Variants in DAPP1 observed in about 807,000 individuals in gnomAD.
DAPP1 encodes dual adaptor of phosphotyrosine and 3-phosphoinositides 1, also known as dual adapter for phosphotyrosine and 3-phosphotyrosine and 3-phosphoinositide.
In DAPP1, 20 loss-of-function variants were observed where a neutral mutation model predicts 41.5. The ratio of observed to expected loss-of-function variants is 0.48; its 90% CI spans 0.34 to 0.70. DAPP1 has a LOEUF of 0.70. Ranked by LOEUF, DAPP1 falls within the 30% of genes least tolerant of loss-of-function variation. The probability of loss-of-function intolerance (pLI) is 0.01; values close to 1 mark genes in which losing one functional copy is unlikely to be tolerated. For synonymous variants in DAPP1, 113 were observed against 116.2 expected (o/e 0.97, Z 0.18); for missense variants, 233 against 333.4 (o/e 0.70, Z 2.35).
intron 1 of DAPP1, among the ~76,000 whole-genome samples, chr4:99,827,554 C>CAAAAAAAAAAAAAA (rs60798743): frequency 7.2e-6 from 1 of 139,776 alleles, no homozygotes; most frequent in African/African-American, 2.7e-5. Flanking sequence ...AACAAAAAAA[C>CAAAAAAAAAAAAAA]AAAACAAAAA....
At position 99,866,460 on chromosome 4, in the gene DAPP1, C is replaced by A. The variant is rs952447306; in HGVS notation, c.774+339C>A. 3.9e-5 allele frequency: 29 copies of A among 735,622 alleles called. No homozygotes were observed. In the African/African-American group the frequency reaches 4.5e-4, roughly 11 times the overall value. 45.6% of individuals were successfully genotyped at this position (735,622 alleles called of 1,614,324 possible). On this transcript the variant is annotated intron_variant, in intron 8 of 8. Transcript: ENST00000512369. ...AGAAGGTCTGACAGAGGAAAGCTGA[C>A]ATACTTCTCTAGTTGAAAAGCCTTT...
intron 3 of DAPP1, among the ~76,000 whole-genome samples, chr4:99,850,794 A>G (rs1023291127): frequency 1.3e-5 from 2 of 152,138 alleles, no homozygotes; most frequent in African/African-American, 4.8e-5. Flanking sequence ...CAATCATTCA[A>G]ATTTTATTTA....
intron 3 of DAPP1, among the ~76,000 whole-genome samples, chr4:99,846,636 T>C (rs1379316930): frequency 2.6e-5 from 4 of 152,234 alleles, no homozygotes; most frequent in African/African-American, 9.6e-5. Context: ...TTAGGGACAA[T>C]TGAATTTGCA....
At chr4:99,845,326 T>A (rs1175888619) in intron 3 of DAPP1, among the ~76,000 whole-genome samples, 2 of 152,172 alleles carry the variant, frequency 1.3e-5, no homozygotes, top group Admixed American at 1.3e-4. Context: ...ATTGTTGCCA[T>A]GGTACAGTGT....
chr4:99,824,831 T>A (rs962909040), intron 1 of DAPP1, among the ~76,000 whole-genome samples: 1 of 152,192 alleles, frequency 6.6e-6, no homozygotes, highest in Non-Finnish European at 1.5e-5. Flanking sequence ...AATAAAATGT[T>A]CCCTGAGCCT....
intron 2 of DAPP1, among the ~76,000 whole-genome samples, chr4:99,839,336 A>G (rs1723411946): frequency 5.3e-5 from 8 of 150,092 alleles, no homozygotes; most frequent in Admixed American, 5.3e-4. Flanking sequence ...GATCAAATAA[A>G]GTGGAGAGGC....
intron 6 of DAPP1, among the ~76,000 whole-genome samples, chr4:99,863,441 A>AT (rs1011183781): frequency 4.6e-5 from 7 of 152,106 alleles, no homozygotes; most frequent in African/African-American, 7.2e-5. Context: ...ATTTAAAATT[A>AT]TTTTTTCTCA....
chr4:99,863,376 G>C (rs1225907719), intron 6 of DAPP1, among the ~76,000 whole-genome samples: 4 of 152,032 alleles, frequency 2.6e-5, no homozygotes, highest in Admixed American at 6.6e-5. Flanking sequence ...GCAGCAATTT[G>C]TCCCTTTATT....
chr4:99,821,915 T>A (rs1187619237), intron 1 of DAPP1, among the ~76,000 whole-genome samples: 1 of 152,252 alleles, frequency 6.6e-6, no homozygotes, highest in Admixed American at 6.5e-5. Flanking sequence ...TGTGTAGAAT[T>A]CATTTTCAGG....
intron 6 of DAPP1, among the ~76,000 whole-genome samples, 181 bp from the exon 7 acceptor site, chr4:99,863,589 G>T (rs1418777042): frequency 6.6e-6 from 1 of 152,098 alleles, no homozygotes; most frequent in Non-Finnish European, 1.5e-5. Flanking sequence ...TTTATGAAAG[G>T]CTCATTCCAA....
At chr4:99,834,585 A>G (rs752113345) in intron 1 of DAPP1, among the ~76,000 whole-genome samples, 7 of 152,206 alleles carry the variant, frequency 4.6e-5, no homozygotes, top group Non-Finnish European at 8.8e-5. Flanking sequence ...ATTATAGCAC[A>G]GAGGTTTCGC....
chr4:99,829,652 C>G (rs1456827828), intron 1 of DAPP1, among the ~76,000 whole-genome samples: 1 of 152,034 alleles, frequency 6.6e-6, no homozygotes, highest in Non-Finnish European at 1.5e-5. Flanking sequence ...CTCTCCTCAC[C>G]AACAATTATA....
intron 1 of DAPP1, among the ~76,000 whole-genome samples, chr4:99,817,370 A>C (rs1722624301): frequency 6.6e-6 from 1 of 152,192 alleles, no homozygotes; most frequent in Non-Finnish European, 1.5e-5. Flanking sequence ...GCGCTGTTCA[A>C]GAGTTTCTAG....
intron 1 of DAPP1, among the ~76,000 whole-genome samples, chr4:99,818,677 C>T (rs1578337335): frequency 1.3e-5 from 2 of 152,190 alleles, no homozygotes; most frequent in South Asian, 4.1e-4. Flanking sequence ...CTGAGTCACA[C>T]CACTTCCCTG....
rs372260652 is a variant in DAPP1 at position 99,849,423 on chromosome 4, CTCTA to C, written c.359-3792_359-3789del. On this transcript the variant is annotated intron_variant, in intron 3 of 8. Coordinates refer to ENST00000512369, the MANE Select transcript of DAPP1 (RefSeq NM_014395.3). ...TCATCTGCCTTCATTATGTCAGAAACTCTATCAAGTGGTAGGGATACAAAGATAA... is the reference window on the plus strand; with the variant it reads ...TCATCTGCCTTCATTATGTCAGAAACTCAAGTGGTAGGGATACAAAGATAA... Among the ~76,000 whole-genome samples, 38 of 152,270 alleles carry C rather than the reference CTCTA, an allele frequency of 2.5e-4. No individual in the cohort carries two copies. The East Asian group carries it at 4.3e-3, about 17-fold the overall frequency.
rs535570917 is a variant in DAPP1 at position 99,857,423 on chromosome 4, G to A, written c.489+4075G>A. On this transcript the variant is annotated intron_variant, in intron 4 of 8. Coordinates refer to ENST00000512369, the MANE Select transcript of DAPP1 (RefSeq NM_014395.3). ...ATAGTTCAAGTTCCTGACATAATAG[G>A]TCCTATCTAAAATGTTAGTTTCCTT... Among the ~76,000 whole-genome samples, 5 of 152,130 alleles carry A rather than the reference G, an allele frequency of 3.3e-5. No homozygotes were observed. In the South Asian group the frequency reaches 1.0e-3, roughly 32 times the overall value.
In DAPP1 at chr4:99,868,333, C is replaced by T. The variant is rs558312570; in HGVS notation, c.*148C>T. 7.2e-6 allele frequency: 5 copies of T among 690,014 alleles called. No individual in the cohort carries two copies. Among genetic ancestry groups the T allele is most frequent in the South Asian group, 1.8e-5 (1 of 55,334 alleles). 42.7% of individuals were successfully genotyped at this position (690,014 alleles called of 1,614,324 possible). A position where few individuals can be genotyped will look rare whatever the true frequency, so the allele number is the denominator to read the frequency against. ...GCAGATGCTGATTGGGACCCATATA[C>T]CACGTTGCTGACTCACGTTGCTGCC... On this transcript the variant is annotated 3_prime_UTR_variant, in exon 9 of 9. Coordinates refer to ENST00000512369, the MANE Select transcript of DAPP1 (RefSeq NM_014395.3).
chr4:99,822,576 T>C (rs1272490998), intron 1 of DAPP1, among the ~76,000 whole-genome samples: 1 of 152,038 alleles, frequency 6.6e-6, no homozygotes, highest in South Asian at 2.1e-4. Flanking sequence ...GGTAGCAAAA[T>C]ATGCAAGGAT....
In DAPP1 at chr4:99,858,382, T is replaced by C. The variant is rs572246255; in HGVS notation, c.490-3196T>C. 2.4e-4 allele frequency among the ~76,000 whole-genome samples: 36 copies of C among 152,366 alleles called. No homozygotes were observed. The South Asian group carries it at 7.5e-3, about 32-fold the overall frequency. On this transcript the variant is annotated intron_variant, in intron 4 of 8. Coordinates refer to ENST00000512369, the MANE Select transcript of DAPP1 (RefSeq NM_014395.3). ...TCATGATTAGATACAGGTTTTTTCA[T>C]GTTGGCTACAAATACCACAAAAGTG...
Sources: gnomAD v4.1 joint callset for allele counts (sites outside exome capture counted in the v4.1 genomes callset) on GRCh38, gnomAD v4.1.1 for gene constraint, MANE v1.5 for transcripts, NCBI Gene and HGNC (gene_info 2026-07-23, HGNC 2026-07-21) for gene names.